The following JMJD1C variants were observed in gnomAD, a reference collection of about 807,000 sequenced individuals.
JMJD1C encodes the protein jumonji domain containing 1C, also known as jumonji domain-containing protein 1C.
JMJD1C carries 31 observed loss-of-function variants against 245.3 expected under a neutral mutation model. The observed-to-expected ratio is 0.13, with a 90% CI of 0.09 to 0.17. The LOEUF is 0.17. JMJD1C is among the 10% of genes least tolerant of loss of function. The pLI, the probability that JMJD1C is intolerant of heterozygous loss-of-function variation, is 1.00. For missense variants in JMJD1C, 2,691 were observed against 3,000.2 expected, an observed-to-expected ratio of 0.90 and a Z score of 2.41; for synonymous variants, 1,057 against 1,017.4, an observed-to-expected ratio of 1.04 and a Z score of -0.74.
At chr10:63,211,276 C>A (rs1847286828) in intron 8 of JMJD1C, among the ~76,000 whole-genome samples, 1 of 151,910 alleles carries the variant, frequency 6.6e-6, no homozygotes, top group African/African-American at 2.4e-5. Context: ...ACCAGCCTGG[C>A]CAGCATAGTG....
intron 1 of JMJD1C, among the ~76,000 whole-genome samples, chr10:63,406,567 A>C (rs1462990584): frequency 1.3e-5 from 2 of 151,756 alleles, no homozygotes; most frequent in Non-Finnish European, 2.9e-5. Flanking sequence ...AAGTGATGTT[A>C]AATTTTTATT....
intron 1 of JMJD1C, among the ~76,000 whole-genome samples, chr10:63,418,997 A>G (rs1949957458): frequency 6.6e-6 from 1 of 151,334 alleles, no homozygotes; most frequent in African/African-American, 2.4e-5. Flanking sequence ...GAATCGCCTG[A>G]ACCCAGGAGA....
intron 2 of JMJD1C, among the ~76,000 whole-genome samples, chr10:63,337,573 GAAAA>G (rs1440084571): frequency 2.1e-4 from 13 of 61,026 alleles, no homozygotes; most frequent in African/African-American, 1.4e-3. Flanking sequence ...GAAAAGAAAA[GAAAA>G]GAAAAGAAAA....
At chr10:63,274,128 C>A (rs1856572923) in intron 2 of JMJD1C, among the ~76,000 whole-genome samples, 1 of 152,060 alleles carries the variant, frequency 6.6e-6, no homozygotes, top group South Asian at 2.1e-4. Flanking sequence ...GAACAACAAT[C>A]GTAGGAGGAA....
intron 2 of JMJD1C, among the ~76,000 whole-genome samples, chr10:63,337,631 AAAG>A (rs1942966428): frequency 2.7e-5 from 4 of 149,638 alleles, no homozygotes; most frequent in South Asian, 4.2e-4. Context: ...AAGAAAAAGA[AAAG>A]AAAAAAAATC....
intron 3 of JMJD1C, among the ~76,000 whole-genome samples, chr10:63,248,398 G>GTAAACCAGCTACCCC (rs1564678915): frequency 6.6e-6 from 1 of 151,816 alleles, no homozygotes; most frequent in Non-Finnish European, 1.5e-5. Flanking sequence ...GCAGGTGCCT[G>GTAAACCAGCTACCCC]TAAACCCAGC....
intron 1 of JMJD1C, among the ~76,000 whole-genome samples, chr10:63,474,544 G>A (rs985114902): frequency 4.0e-5 from 6 of 151,552 alleles, no homozygotes; most frequent in East Asian, 3.9e-4. Flanking sequence ...CCCACCTCCC[G>A]GGCTCAAGCA....
At chr10:63,178,618 A>T (rs1422873391) in intron 22 of JMJD1C, among the ~76,000 whole-genome samples, 5 of 152,230 alleles carry the variant, frequency 3.3e-5, no homozygotes, top group Non-Finnish European at 5.9e-5. Flanking sequence ...ACGGCAGGAC[A>T]AAATGTATTC....
chr10:63,485,697 T>C (rs1953971028), intron 1 of JMJD1C, among the ~76,000 whole-genome samples: 1 of 152,202 alleles, frequency 6.6e-6, no homozygotes, highest in African/African-American at 2.4e-5. Context: ...TGGGGACCTT[T>C]GGCACAACAT....
At chr10:63,311,223 A>AC (rs1421080202) in intron 2 of JMJD1C, among the ~76,000 whole-genome samples, 1 of 151,612 alleles carries the variant, frequency 6.6e-6, no homozygotes, top group Non-Finnish European at 1.5e-5. Flanking sequence ...AAAAAAAAAA[A>AC]AACAAATTAG....
At chr10:63,180,895 A>G (rs188028185) in intron 22 of JMJD1C, among the ~76,000 whole-genome samples, 3,211 of 151,298 alleles carry the variant, frequency 0.021, 109 homozygotes, top group African/African-American at 0.072. Context: ...CAGCCTCCCA[A>G]GTAGCTGGGA....
chr10:63,406,408 T>A (rs1157872836), intron 1 of JMJD1C, among the ~76,000 whole-genome samples: 1 of 152,096 alleles, frequency 6.6e-6, no homozygotes, highest in Non-Finnish European at 1.5e-5. Context: ...AAAATATGTA[T>A]CAAACAATCA....
chr10:63,388,823 GA>G (rs1483274669), intron 1 of JMJD1C, among the ~76,000 whole-genome samples: 1 of 152,072 alleles, frequency 6.6e-6, no homozygotes, highest in African/African-American at 2.4e-5. Flanking sequence ...CATATAAACT[GA>G]AAGTAAAGGA....
chr10:63,440,837 T>C (rs898296881), intron 1 of JMJD1C, among the ~76,000 whole-genome samples: 2 of 152,204 alleles, frequency 1.3e-5, no homozygotes, highest in Non-Finnish European at 2.9e-5. Flanking sequence ...AACTGCTTCA[T>C]ACAATTTCAC....
intron 2 of JMJD1C, chr10:63,268,954 C>T (rs1855963261): frequency 1.0e-6 from 1 of 985,634 alleles, no homozygotes; most frequent in Admixed American, 6.1e-5. Flanking sequence ...TGCTCTGGCT[C>T]AGCCCTGGCA....
In JMJD1C at chr10:63,254,597, A is replaced by G. The variant is rs532705383; in HGVS notation, c.447+10054T>C. ...ACTTTGTCACCCAGGCTAGATTGCA[A>G]TGGCAGGATCTCAGCTCATTGCAGC... On this transcript the variant is annotated intron_variant, in intron 3 of 25. Coordinates refer to ENST00000399262, the MANE Select transcript of JMJD1C (RefSeq NM_032776.3). 2.5e-4 allele frequency among the ~76,000 whole-genome samples: 38 copies of G among 152,010 alleles called. 1 individual carries two copies. Among genetic ancestry groups the G allele is most frequent in the African/African-American group, 8.9e-4 (37 of 41,464 alleles).
intron 3 of JMJD1C, among the ~76,000 whole-genome samples, chr10:63,230,508 A>T (rs148140382): frequency 6.6e-6 from 1 of 152,194 alleles, no homozygotes; most frequent in African/African-American, 2.4e-5. Context: ...CTCCACAAAC[A>T]TAAGAGCTAA....
chr10:63,407,495 T>C (rs753050370), intron 1 of JMJD1C, among the ~76,000 whole-genome samples: 1 of 152,158 alleles, frequency 6.6e-6, no homozygotes, highest in Non-Finnish European at 1.5e-5. Context: ...TATTCCCCTA[T>C]GGAAATGAGC....
In JMJD1C at chr10:63,288,611, A is replaced by C. The variant is rs74690838; in HGVS notation, c.334-23847T>G. On this transcript the variant is annotated intron_variant, in intron 2 of 25. Coordinates refer to ENST00000399262, the MANE Select transcript of JMJD1C (RefSeq NM_032776.3). The stretch of plus-strand genomic sequence containing the variant: ...TTATTGTTGAGTTTTAAGAATTGGT[A>C]TATTTCAAGGGCTGAATACAGTGGC... 9.2e-3 allele frequency among the ~76,000 whole-genome samples: 1,406 copies of C among 152,234 alleles called. 17 individuals carry two copies. Among genetic ancestry groups the C allele is most frequent in the African/African-American group, 0.031 (1,298 of 41,538 alleles).
Sources: allele counts gnomAD v4.1 joint callset (sites outside exome capture counted in the v4.1 genomes callset), GRCh38; gene constraint gnomAD v4.1.1; transcripts MANE v1.5; gene names NCBI Gene and HGNC (gene_info 2026-07-23, HGNC 2026-07-21).